OPN3: variants seen among roughly 807,000 people sequenced by gnomAD.
OPN3 encodes the protein opsin 3.
Under a neutral mutation model 33.8 loss-of-function variants are expected in OPN3, and 29 were observed. The ratio of observed to expected loss-of-function variants is 0.86; its 90% CI spans 0.64 to 1.17. The LOEUF (loss-of-function observed/expected upper bound fraction) is 1.17, where lower values mean the gene tolerates loss of function less well. OPN3 is among the 50% of genes most tolerant of loss of function. The pLI, the probability that OPN3 is intolerant of heterozygous loss-of-function variation, is 0.00. For missense variants in OPN3, 437 were observed against 514.1 expected (o/e 0.85, Z 1.45); for synonymous variants, 216 against 216.1 (o/e 1.00, Z 0.00).
At chr1:241,613,313 T>C (rs1297073458) in intron 1 of OPN3, among the ~76,000 whole-genome samples, 1 of 152,146 alleles carries the variant, frequency 6.6e-6, no homozygotes, top group Non-Finnish European at 1.5e-5. Flanking sequence ...CGATTCCCAT[T>C]TTACAGATGA....
intron 1 of OPN3, among the ~76,000 whole-genome samples, chr1:241,627,379 G>T (rs1002423788): frequency 6.6e-6 from 1 of 152,128 alleles, no homozygotes; most frequent in Admixed American, 6.6e-5. Flanking sequence ...CAAGCAAAGC[G>T]AAACAGTAGC....
intron 1 of OPN3, among the ~76,000 whole-genome samples, chr1:241,625,002 A>G (rs1394975588): frequency 6.6e-6 from 1 of 152,218 alleles, no homozygotes; most frequent in Non-Finnish European, 1.5e-5. Context: ...ATTGGCATCC[A>G]GTTAGTGCTA....
intron 1 of OPN3, among the ~76,000 whole-genome samples, chr1:241,613,850 A>T (rs963170081): frequency 6.6e-6 from 1 of 152,218 alleles, no homozygotes; most frequent in Non-Finnish European, 1.5e-5. Context: ...CATCAAAATT[A>T]AAACCCTTTC....
chr1:241,639,609 G>A (rs1029513760), intron 1 of OPN3, among the ~76,000 whole-genome samples: 1 of 151,840 alleles, frequency 6.6e-6, no homozygotes, highest in African/African-American at 2.4e-5. Context: ...CGGGGTTTGG[G>A]GTCAACGTGG....
intron 1 of OPN3, among the ~76,000 whole-genome samples, chr1:241,615,062 T>G (rs1415363367): frequency 1.3e-5 from 2 of 152,202 alleles, no homozygotes; most frequent in Non-Finnish European, 2.9e-5. Context: ...GGATCATTAT[T>G]ACACTAAGAG....
In OPN3 at chr1:241,606,197, T is replaced by C. The variant is rs79993823; in HGVS notation, c.374-1618A>G. 5.3e-5 allele frequency among the ~76,000 whole-genome samples: 8 copies of C among 152,160 alleles called. No homozygotes were observed. The East Asian group carries it at 1.5e-3, about 29-fold the overall frequency. ...CATTTAGCAACTGGTATCAACAGAA[T>C]CTATCTGCTTATCGAATGTGAGGCG... On this transcript the variant is annotated intron_variant, in intron 1 of 3. Coordinates refer to ENST00000366554, the MANE Select transcript of OPN3 (RefSeq NM_014322.3).
At chr1:241,605,611 A>C (rs1330601627) in intron 1 of OPN3, among the ~76,000 whole-genome samples, 1 of 152,246 alleles carries the variant, frequency 6.6e-6, no homozygotes, top group East Asian at 1.9e-4. Flanking sequence ...AGATGTCTGA[A>C]GGGAATGTAC....
At chr1:241,620,897 G>T (rs932948793) in intron 1 of OPN3, among the ~76,000 whole-genome samples, 2 of 152,088 alleles carry the variant, frequency 1.3e-5, no homozygotes, top group African/African-American at 4.8e-5. Flanking sequence ...TGGGCAGGAA[G>T]AAATGTTATA....
intron 1 of OPN3, among the ~76,000 whole-genome samples, chr1:241,613,142 G>T (rs577736902): frequency 6.6e-6 from 1 of 152,122 alleles, no homozygotes; most frequent in African/African-American, 2.4e-5. Flanking sequence ...TGTTGAGAAA[G>T]TTTCCTTCCT....
At chr1:241,601,960 T>A (rs561487528) in intron 2 of OPN3, among the ~76,000 whole-genome samples, 1 of 152,320 alleles carries the variant, frequency 6.6e-6, no homozygotes, top group African/African-American at 2.4e-5. Context: ...TTAAATTTGA[T>A]GAGTCTGTGG....
chr1:241,634,979 G>C, intron 1 of OPN3: 2 of 1,613,598 alleles, frequency 1.2e-6, no homozygotes, highest in Non-Finnish European at 1.7e-6. Context: ...AAGAATCCTA[G>C]TGACATTTTT....
At chr1:241,626,732 T>C (rs1425904236) in intron 1 of OPN3, among the ~76,000 whole-genome samples, 1 of 152,152 alleles carries the variant, frequency 6.6e-6, no homozygotes, top group African/African-American at 2.4e-5. Context: ...TGATAAAAAA[T>C]AAAGTTTCCC....
intron 2 of OPN3, among the ~76,000 whole-genome samples, chr1:241,603,818 G>A (rs1663744249): frequency 6.6e-6 from 1 of 152,220 alleles, no homozygotes; most frequent in African/African-American, 2.4e-5. Context: ...GGCACCCAAC[G>A]TGAAATTGTT....
intron 1 of OPN3, among the ~76,000 whole-genome samples, chr1:241,627,649 G>A (rs926739283): frequency 6.6e-6 from 1 of 152,142 alleles, no homozygotes; most frequent in Non-Finnish European, 1.5e-5. Context: ...TGTACTGTTC[G>A]TGCCTTACAG....
At chr1:241,627,503 C>G (rs1421634965) in intron 1 of OPN3, among the ~76,000 whole-genome samples, 1 of 152,192 alleles carries the variant, frequency 6.6e-6, no homozygotes, top group African/African-American at 2.4e-5. Flanking sequence ...CCCTTTCTTA[C>G]CTTACACAGT....
At position 241,593,138 on chromosome 1, in the gene OPN3, G is replaced by T. The variant is rs1663380075; in HGVS notation, c.*1290C>A. On this transcript the variant is annotated 3_prime_UTR_variant, in exon 4 of 4. Coordinates refer to ENST00000366554, the MANE Select transcript of OPN3 (RefSeq NM_014322.3). ...ATCATACTAAGTGAAGGACAGGAAA[G>T]GGTTTTATTCATAAATTAAATGTCT... The T allele has an allele frequency of 4.3e-6, 1 of 231,616 alleles. No homozygotes were observed. 14.3% of individuals were successfully genotyped at this position (231,616 alleles called of 1,614,324 possible). A position where few individuals can be genotyped will look rare whatever the true frequency, so the allele number is the denominator to read the frequency against.
intron 1 of OPN3, chr1:241,632,650 A>G (rs1573966739): frequency 6.6e-6 from 1 of 152,244 alleles, no homozygotes; most frequent in East Asian, 1.9e-4. Flanking sequence ...GGCAAGAGAG[A>G]TTACAGAAAA....
chr1:241,633,591 C>T (rs920987266), intron 1 of OPN3: 1 of 607,658 alleles, frequency 1.6e-6, no homozygotes, highest in Non-Finnish European at 2.8e-6. Flanking sequence ...CCATTCTAAA[C>T]AAAATGTTCA....
chr1:241,612,833 C>T (rs1236187677), intron 1 of OPN3, among the ~76,000 whole-genome samples: 3 of 152,262 alleles, frequency 2.0e-5, no homozygotes, highest in East Asian at 1.9e-4. Flanking sequence ...TTTCATCCTC[C>T]GTAACCCAAC....
Sources: gnomAD v4.1 joint callset for allele counts (sites outside exome capture counted in the v4.1 genomes callset) on GRCh38, gnomAD v4.1.1 for gene constraint, MANE v1.5 for transcripts, NCBI Gene and HGNC (gene_info 2026-07-23, HGNC 2026-07-21) for gene names.